POP1: variants seen among roughly 807,000 people sequenced by gnomAD.
POP1 encodes ribonucleases P/MRP protein subunit POP1.
A neutral mutation model predicts 102.2 loss-of-function variants in POP1; 75 were observed. That is an observed-to-expected ratio of 0.73 (90% CI 0.61 to 0.89). POP1 has a LOEUF of 0.89. POP1 is among the 40% of genes least tolerant of loss of function. The pLI, the probability that POP1 is intolerant of heterozygous loss-of-function variation, is 0.00. For missense variants in POP1, 1,116 were observed against 1,267.4 expected, an observed-to-expected ratio of 0.88 and a Z score of 1.81; for synonymous variants, 436 against 464.1, an observed-to-expected ratio of 0.94 and a Z score of 0.78.
intron 14 of POP1, among the ~76,000 whole-genome samples, chr8:98,154,568 G>A (rs1205223524): frequency 6.6e-6 from 1 of 152,174 alleles, no homozygotes; most frequent in East Asian, 1.9e-4. Context: ...GTGGGGTGAA[G>A]TAAGACATGC....
chr8:98,120,995 CTGG>C (rs895125694), intron 1 of POP1, among the ~76,000 whole-genome samples: 1 of 151,974 alleles, frequency 6.6e-6, no homozygotes, highest in Non-Finnish European at 1.5e-5. Flanking sequence ...GTTTGCCAGG[CTGG>C]TCTTGAACTC....
At chr8:98,118,855 GAAA>G (rs74275389) in intron 1 of POP1, among the ~76,000 whole-genome samples, 4 of 142,872 alleles carry the variant, frequency 2.8e-5, no homozygotes, top group Admixed American at 7.0e-5. Flanking sequence ...GGAAGGGGTG[GAAA>G]AAAAAAAAAG....
chr8:98,156,535 G>T (rs1809653524), intron 15 of POP1, 123 bp downstream of exon 15: 1 of 1,250,032 alleles, frequency 8.0e-7, no homozygotes, highest in African/African-American at 1.5e-5. Flanking sequence ...AGGCTTTCTG[G>T]AAGGGAAAGC....
chr8:98,149,712 T>C (rs550071167), intron 13 of POP1, among the ~76,000 whole-genome samples: 2 of 152,206 alleles, frequency 1.3e-5, no homozygotes, highest in South Asian at 2.1e-4. Context: ...GCTGAGATCA[T>C]ACCACTGCAC....
At position 98,158,190 on chromosome 8, in the gene POP1, T is replaced by C; in HGVS notation, c.2994T>C (p.Pro998=). Residue 998 remains proline (P), a synonymous_variant, in exon 16 of 16, where the codon CCT becomes CCC. Transcript: ENST00000401707. The stretch of plus-strand genomic sequence containing the variant: ...TGCTGGATATGCTGTCCAGCCAGCC[T>C]GCAGCGCAGAGGGGCTTAGTGCTAC... ...TGLLDMLSSQ[P]AAQRGLVLLR... is the part of the protein sequence containing the mutation. 1.2e-6 allele frequency: 2 copies of C among 1,611,992 alleles called. No homozygotes were observed. The highest frequency in any genetic ancestry group is 1.7e-6 in the Non-Finnish European group (2 of 1,179,850).
chr8:98,141,455 C>T (rs28589768), intron 11 of POP1, among the ~76,000 whole-genome samples: 20,317 of 152,054 alleles, frequency 0.13, 1,477 homozygotes, highest in Middle Eastern at 0.27. Flanking sequence ...GATAATGTCT[C>T]ATTGTATTTA....
intron 9 of POP1, among the ~76,000 whole-genome samples, chr8:98,139,799 G>A (rs1190278796): frequency 6.6e-6 from 1 of 152,182 alleles, no homozygotes; most frequent in East Asian, 1.9e-4. Context: ...TGAGTGTGAA[G>A]TATCTTAGTG....
intron 1 of POP1, among the ~76,000 whole-genome samples, chr8:98,120,231 AT>A (rs1815972327): frequency 6.6e-6 from 1 of 152,328 alleles, no homozygotes; most frequent in Admixed American, 6.5e-5. Flanking sequence ...GCAGAACTCC[AT>A]TTACTTCCTT....
intron 1 of POP1, among the ~76,000 whole-genome samples, chr8:98,123,114 A>G (rs1261486935): frequency 6.6e-6 from 1 of 152,200 alleles, no homozygotes; most frequent in East Asian, 1.9e-4. Flanking sequence ...TTTATCATCC[A>G]TAGCAATCTT....
chr8:98,158,514 G>C lies in POP1; in HGVS notation c.*243G>C, dbSNP rs1586257054. 2.0e-6 allele frequency: 1 copy of C among 506,264 alleles called. No individual in the cohort carries two copies. The allele number at this position is 506,264 out of a possible 1,614,324, so 31.4% of individuals were successfully genotyped here. On this transcript the variant is annotated 3_prime_UTR_variant, in exon 16 of 16. Coordinates refer to ENST00000401707, the MANE Select transcript of POP1 (RefSeq NM_001145860.2). ...TATTTGGCCAAAAGCTTTGTATTAT[G>C]ATCTCTTGGTCTGTGTAGTTGTGGC...
At chr8:98,151,456 C>G (rs1809510481) in intron 14 of POP1, among the ~76,000 whole-genome samples, 1 of 152,190 alleles carries the variant, frequency 6.6e-6, no homozygotes, top group Non-Finnish European at 1.5e-5. Flanking sequence ...CGATGAGGGT[C>G]ATGATTTCCT....
intron 13 of POP1, among the ~76,000 whole-genome samples, chr8:98,150,005 C>T (rs371016088): frequency 6.6e-6 from 1 of 152,108 alleles, no homozygotes; most frequent in African/African-American, 2.4e-5. Flanking sequence ...ATAGTGAATG[C>T]CTGTGTGCCA....
chr8:98,157,926 A>C lies in POP1; in HGVS notation c.2730A>C (p.Lys910Asn). ...ACCCATTCAGGAGCAAGATCCTGAA[A>C]CAGAAAGAGAAGAAGAAAAGGGAGA... ...HSDPFRSKIL[K>N]QKEKKKREKR... The change falls in exon 16 of 16, where the codon AAA becomes AAC. Residue 910 changes from lysine (K) to asparagine (N), a missense_variant. Transcript: ENST00000401707. 1 of 1,614,168 alleles carries C rather than the reference A, an allele frequency of 6.2e-7. No individual in the cohort carries two copies. The highest frequency in any genetic ancestry group is 1.1e-5 in the South Asian group (1 of 91,082).
At chr8:98,133,666 G>T (rs1816447172) in intron 5 of POP1, among the ~76,000 whole-genome samples, 2 of 152,200 alleles carry the variant, frequency 1.3e-5, no homozygotes, top group Non-Finnish European at 2.9e-5. Context: ...TACCTAAAAA[G>T]TAGGATACCG....
At chr8:98,131,626 A>G (rs1411352960) in intron 5 of POP1, among the ~76,000 whole-genome samples, 4 of 151,834 alleles carry the variant, frequency 2.6e-5, no homozygotes, top group African/African-American at 9.7e-5. Flanking sequence ...CCAGAAGTGT[A>G]ATTGCTGGAT....
intron 9 of POP1, 21 bp from the exon 10 acceptor site, chr8:98,140,057 A>G (rs777819263): frequency 1.9e-6 from 3 of 1,572,616 alleles, no homozygotes; most frequent in South Asian, 2.2e-5. Flanking sequence ...CGTCCAGTGA[A>G]TAGTAGTTGT....
intron 1 of POP1, among the ~76,000 whole-genome samples, chr8:98,122,506 C>G (rs903308541): frequency 1.3e-5 from 2 of 152,242 alleles, no homozygotes; most frequent in African/African-American, 4.8e-5. Flanking sequence ...AAGAGTTAAT[C>G]ACTGGTACCT....
intron 5 of POP1, among the ~76,000 whole-genome samples, chr8:98,132,163 AC>A: frequency 6.6e-6 from 1 of 152,224 alleles, no homozygotes; most frequent in Non-Finnish European, 1.5e-5. Flanking sequence ...TATATGCCCT[AC>A]CCTGTTTTAA....
In POP1 at chr8:98,134,626, G is replaced by T; in HGVS notation, c.978G>T (p.Gln326His). ...CGGGTGACCCTTCTGAGAGCAGGCA[G>T]CTGTGGATCTGGCTGCATCCAACCC... ...RTPGDPSESR[Q>H]LWIWLHPTLK... The change falls in exon 7 of 16, where the codon CAG becomes CAT. Residue 326 changes from glutamine to histidine, a missense_variant. Physicochemically the swap from Gln to His is conservative, Grantham distance 24. Coordinates refer to ENST00000401707, the MANE Select transcript of POP1 (RefSeq NM_001145860.2). 1 of 1,614,074 alleles carries T rather than the reference G, an allele frequency of 6.2e-7. No individual in the cohort carries two copies. Among genetic ancestry groups the T allele is most frequent in the Non-Finnish European group, 8.5e-7 (1 of 1,179,906 alleles).
Sources: gnomAD v4.1 joint callset for allele counts (sites outside exome capture counted in the v4.1 genomes callset) on GRCh38, gnomAD v4.1.1 for gene constraint, MANE v1.5 for transcripts, NCBI Gene and HGNC (gene_info 2026-07-23, HGNC 2026-07-21) for gene names.